The following DDAH1 variants were observed in gnomAD, a reference collection of about 807,000 sequenced individuals.
DDAH1 encodes N(G),N(G)-dimethylarginine dimethylaminohydrolase 1.
A neutral mutation model predicts 28.8 loss-of-function variants in DDAH1; 19 were observed. The ratio of observed to expected loss-of-function variants is 0.66; its 90% confidence interval spans 0.46 to 0.97. The LOEUF is 0.97. DDAH1 is among the 50% of genes least tolerant of loss of function. The pLI, the probability that DDAH1 is intolerant of heterozygous loss-of-function variation, is 0.00. For missense variants in DDAH1, 326 were observed against 375.9 expected (o/e 0.87, Z 1.10); for synonymous variants, 153 against 154.4 (o/e 0.99, Z 0.07).
chr1:85,450,084 T>C (rs531438392), intron 1 of DDAH1, among the ~76,000 whole-genome samples: 3 of 152,372 alleles, frequency 2.0e-5, no homozygotes, highest in East Asian at 1.9e-4. Context: ...AGGTCTCTTA[T>C]TGACATTTTA....
intron 1 of DDAH1, among the ~76,000 whole-genome samples, chr1:85,455,047 T>TA (rs1306368592): frequency 1.3e-5 from 2 of 152,188 alleles, no homozygotes; most frequent in African/African-American, 4.8e-5. Flanking sequence ...TAGGATGGCA[T>TA]GCAGAAAGTT....
At chr1:85,480,519 C>T (rs190578159) in intron 2 of DDAH1, among the ~76,000 whole-genome samples, 3 of 152,060 alleles carry the variant, frequency 2.0e-5, no homozygotes, top group Admixed American at 6.6e-5. Flanking sequence ...CTGAAGCTGG[C>T]GGATCACCTG....
At chr1:85,339,483 A>T (rs907244290) in intron 4 of DDAH1, among the ~76,000 whole-genome samples, 6 of 152,242 alleles carry the variant, frequency 3.9e-5, no homozygotes, top group Non-Finnish European at 7.3e-5. Context: ...CTTAAAGATT[A>T]TTGGACAAAT....
chr1:85,424,365 T>C (rs994269233), intron 1 of DDAH1, among the ~76,000 whole-genome samples: 1 of 152,098 alleles, frequency 6.6e-6, no homozygotes, highest in Non-Finnish European at 1.5e-5. Context: ...AAGTTATTAA[T>C]TGCACTGAGA....
chr1:85,565,199 TA>T (rs112088658), intron 1 of DDAH1, among the ~76,000 whole-genome samples: 18 of 149,974 alleles, frequency 1.2e-4, no homozygotes, highest in East Asian at 1.2e-3. Context: ...GAGACTCCGT[TA>T]AAAAAAAAAT....
intron 1 of DDAH1, among the ~76,000 whole-genome samples, chr1:85,551,440 C>G (rs895339056): frequency 6.6e-6 from 1 of 152,226 alleles, no homozygotes; most frequent in East Asian, 1.9e-4. Context: ...TTAACCACCA[C>G]TGTTTGCACA....
At chr1:85,487,758 C>T (rs1385980910) in intron 2 of DDAH1, among the ~76,000 whole-genome samples, 1 of 152,156 alleles carries the variant, frequency 6.6e-6, no homozygotes, top group East Asian at 1.9e-4. Flanking sequence ...TTCTCATTTA[C>T]ACTTCCCAAG....
intron 1 of DDAH1, among the ~76,000 whole-genome samples, chr1:85,559,959 A>G (rs6656373): frequency 0.25 from 37,984 of 151,980 alleles, 4,916 homozygotes; most frequent in Middle Eastern, 0.32. Flanking sequence ...GAATAAACCC[A>G]CAGATCCAAG....
chr1:85,405,172 C>T (rs890427937), intron 1 of DDAH1, among the ~76,000 whole-genome samples: 1 of 152,174 alleles, frequency 6.6e-6, no homozygotes, highest in Admixed American at 6.5e-5. Context: ...GACATGCTAG[C>T]AATTCTCTTC....
At chr1:85,460,937 T>C (rs1471211799) in intron 1 of DDAH1, among the ~76,000 whole-genome samples, 2 of 152,236 alleles carry the variant, frequency 1.3e-5, no homozygotes, top group Non-Finnish European at 2.9e-5. Context: ...ATTATTTGTT[T>C]ACATTATTTG....
At chr1:85,542,000 A>G (rs1334825531) in intron 1 of DDAH1, among the ~76,000 whole-genome samples, 1 of 152,236 alleles carries the variant, frequency 6.6e-6, no homozygotes, top group Non-Finnish European at 1.5e-5. Context: ...GCCTGAATGG[A>G]CTAAAACATA....
At chr1:85,503,566 T>C (rs113747498) in intron 1 of DDAH1, among the ~76,000 whole-genome samples, 35 of 146,522 alleles carry the variant, frequency 2.4e-4, no homozygotes, top group African/African-American at 6.0e-4. Context: ...TCTATCTATC[T>C]ATCCATCTAT....
At chr1:85,415,005 C>CTTTT (rs71727580) in intron 1 of DDAH1, among the ~76,000 whole-genome samples, 17 of 57,606 alleles carry the variant, frequency 3.0e-4, no homozygotes, top group Non-Finnish European at 3.5e-4. Flanking sequence ...TCAAGTGTTG[C>CTTTT]TTTTTTTTTT....
chr1:85,571,752 T>C (rs1243167548), intron 1 of DDAH1, among the ~76,000 whole-genome samples: 1 of 151,928 alleles, frequency 6.6e-6, no homozygotes, highest in African/African-American at 2.4e-5. Context: ...ACAATACATA[T>C]TGCCTTTGTC....
At chr1:85,413,147 C>T (rs1652736399) in intron 1 of DDAH1, among the ~76,000 whole-genome samples, 1 of 152,202 alleles carries the variant, frequency 6.6e-6, no homozygotes. Context: ...GTTCTCACTA[C>T]TTTTGATGGA....
chr1:85,331,524 C>T (rs1262675998), intron 4 of DDAH1, among the ~76,000 whole-genome samples: 1 of 151,690 alleles, frequency 6.6e-6, no homozygotes, highest in Non-Finnish European at 1.5e-5. Context: ...TATATGATGC[C>T]CAAGTACACT....
At chr1:85,400,187 T>C (rs79203435) in intron 1 of DDAH1, among the ~76,000 whole-genome samples, 4,613 of 98,178 alleles carry the variant, frequency 0.047, 426 homozygotes, top group African/African-American at 0.18. Flanking sequence ...CTTTTTTTTT[T>C]TTTTTTTTTT....
In DDAH1 at chr1:85,565,932, T is replaced by A. The variant is rs12405846; in HGVS notation, c.-123+12052A>T. ...CCTGTGACTACTAAAAATACAAAAA[T>A]TAGCTGGGTGTGGTGGCACGCGCCT... On this transcript the variant is annotated intron_variant, in intron 1 of 6. Transcript: ENST00000426972. Among the ~76,000 whole-genome samples, 1,298 of 151,994 alleles carry A rather than the reference T, an allele frequency of 8.5e-3. 23 individuals carry two copies. Among genetic ancestry groups the A allele is most frequent in the East Asian group, 0.054 (280 of 5,144 alleles).
intron 1 of DDAH1, among the ~76,000 whole-genome samples, chr1:85,377,587 G>A (rs952895660): frequency 6.6e-6 from 1 of 152,100 alleles, no homozygotes; most frequent in African/African-American, 2.4e-5. Context: ...AATGGTCTAG[G>A]TGTTTTTCAA....
Sources: gnomAD v4.1 joint callset for allele counts (sites outside exome capture counted in the v4.1 genomes callset) on GRCh38, gnomAD v4.1.1 for gene constraint, MANE v1.5 for transcripts, NCBI Gene and HGNC (gene_info 2026-07-23, HGNC 2026-07-21) for gene names.